The following N4BP2 variants were observed in gnomAD, a reference collection of about 807,000 sequenced individuals.
N4BP2 encodes the protein NEDD4-binding protein 2.
A neutral mutation model predicts 152.8 loss-of-function variants in N4BP2; 91 were observed. The ratio of observed to expected loss-of-function variants is 0.60; its 90% CI spans 0.50 to 0.71. The LOEUF (loss-of-function observed/expected upper bound fraction) is 0.71, where lower values mean the gene tolerates loss of function less well. Among genes scored for constraint, N4BP2 ranks in the 30% least tolerant of loss-of-function variants. N4BP2 has a pLI of 0.00. For synonymous variants in N4BP2, 646 were observed against 705.3 expected (o/e 0.92, Z 1.33); for missense variants, 1,923 against 2,059.1 (o/e 0.93, Z 1.28).
chr4:40,140,883 T>C (rs1719862917), intron 14 of N4BP2, among the ~76,000 whole-genome samples: 1 of 150,366 alleles, frequency 6.7e-6, no homozygotes, highest in South Asian at 2.2e-4. Context: ...ACAGCACATG[T>C]TGCAGAGAGC....
At chr4:40,119,563 A>G (rs1236988913) in intron 8 of N4BP2, among the ~76,000 whole-genome samples, 1 of 152,180 alleles carries the variant, frequency 6.6e-6, no homozygotes, top group East Asian at 1.9e-4. Flanking sequence ...ATGCTTAGCT[A>G]TGTAAAACTA....
Position 40,102,505 on chromosome 4 carries a change from T to A in N4BP2, c.660T>A (p.Val220=), listed in dbSNP as rs1715772451. 1 of 1,614,078 alleles carries A rather than the reference T, an allele frequency of 6.2e-7. No individual in the cohort carries two copies. Among genetic ancestry groups the A allele is most frequent in the Admixed American group, 1.7e-5 (1 of 59,998 alleles). Residue 220 remains valine (V), a synonymous_variant, in exon 4 of 18, where the codon GTT becomes GTA. Transcript: ENST00000261435. ...TAAACCCATTACCTTCACATTCAGT[T>A]TTGAACGAGTCCAAGTGTTTTATAA... The part of the protein sequence containing the change: ...LSLNPLPSHS[V]LNESKCFIKD...
downstream of N4BP2, among the ~76,000 whole-genome samples, chr4:40,161,013 A>G (rs1457679116): frequency 6.6e-6 from 1 of 152,198 alleles, no homozygotes; most frequent in African/African-American, 2.4e-5. Context: ...GAAGGACTGC[A>G]AGGAATATTG....
rs557141145 is a variant in N4BP2, at chr4:40,154,968, G to A, written c.*731G>A. 13 of 152,184 alleles carry A rather than the reference G, an allele frequency of 8.5e-5. No homozygotes were observed. Among genetic ancestry groups the A allele is most frequent in the African/African-American group, 2.9e-4 (12 of 41,442 alleles). 9.4% of individuals were successfully genotyped at this position (152,184 alleles called of 1,614,324 possible). Reference sequence around the variant, plus strand: ...ATCTTCCAGATGTTGCTGCCTTATCGAAATGCTTCTAGAACTGTCTGTATA... The same window carrying A: ...ATCTTCCAGATGTTGCTGCCTTATCAAAATGCTTCTAGAACTGTCTGTATA... On this transcript the variant is annotated 3_prime_UTR_variant, in exon 18 of 18. Transcript: ENST00000261435.
chr4:40,124,112 C>G, intron 10 of N4BP2, 48 bp from the exon 11 acceptor site: 1 of 1,452,586 alleles, frequency 6.9e-7, no homozygotes, highest in Non-Finnish European at 9.6e-7. Flanking sequence ...TCCTTGTTTA[C>G]TAATGCACTC....
intron 15 of N4BP2, among the ~76,000 whole-genome samples, chr4:40,143,537 G>A (rs1720242453): frequency 6.6e-6 from 1 of 152,142 alleles, no homozygotes; most frequent in South Asian, 2.1e-4. Context: ...CTGAGCTCAA[G>A]CAATCCTCCC....
intron 14 of N4BP2, chr4:40,142,325 G>C: frequency 3.1e-6 from 1 of 319,078 alleles, no homozygotes; most frequent in African/African-American, 2.2e-5. Flanking sequence ...GCGACGGCTG[G>C]AGTTGGGCTG....
rs937189084 is a variant in N4BP2 at position 40,112,167 on chromosome 4, G to T, written c.1582G>T (p.Ala528Ser). The T allele has an allele frequency of 6.5e-7, 1 of 1,538,898 alleles. No individual in the cohort carries two copies. Among genetic ancestry groups the T allele is most frequent in the Non-Finnish European group, 8.9e-7 (1 of 1,120,886 alleles). Residue 528 changes from alanine (A) to serine (S), a missense_variant, in exon 6 of 18, where the codon GCT (alanine) becomes TCT (serine). By Grantham distance (99) the Ala-to-Ser change is moderately conservative (BLOSUM62 1). Transcript: ENST00000261435. Reference protein sequence around the residue: ...LQAWEMKPYVALSQKHKYKVL... With the variant: ...LQAWEMKPYVSLSQKHKYKVL... The stretch of plus-strand genomic sequence containing the variant: ...GGCATGGGAAATGAAACCATATGTT[G>T]CTTTGGTTAGTACCATAAGTTGTCA...
intron 15 of N4BP2, among the ~76,000 whole-genome samples, chr4:40,143,915 G>A (rs1026098771): frequency 3.3e-5 from 5 of 152,064 alleles, no homozygotes; most frequent in Non-Finnish European, 7.4e-5. Flanking sequence ...TCATAGAGGT[G>A]GAGAAGTCCC....
intron 15 of N4BP2, among the ~76,000 whole-genome samples, chr4:40,143,551 T>C (rs904595511): frequency 3.9e-5 from 6 of 152,182 alleles, no homozygotes; most frequent in African/African-American, 9.7e-5. Flanking sequence ...TCCTCCCATC[T>C]CAGCCTCCCA....
At chr4:40,073,390 T>G (rs1237955389) in intron 1 of N4BP2, 65 bp from the exon 2 acceptor site, 1 of 152,084 alleles carries the variant, frequency 6.6e-6, no homozygotes, top group African/African-American at 2.4e-5. Flanking sequence ...ATTTTTGACT[T>G]TGATTTCTTT....
In N4BP2 at chr4:40,120,786, C is replaced by A. The variant is rs780396042; in HGVS notation, c.2675C>A (p.Ala892Asp). Reference protein sequence around the residue: ...MGDWPSSDSLAQREHRSRMPK... With the variant: ...MGDWPSSDSLDQREHRSRMPK... ...GACTGGCCTTCATCTGATTCTTTAG[C>A]TCAGAGGGAACACAGATCAAGAATG... Residue 892 changes from alanine to aspartate, a missense_variant, in exon 9 of 18, where the codon GCT becomes GAT. Transcript: ENST00000261435. The A allele has an allele frequency of 6.2e-7, 1 of 1,614,142 alleles. No individual in the cohort carries two copies. The highest frequency in any genetic ancestry group is 1.1e-5 in the South Asian group (1 of 91,072).
intron 13 of N4BP2, among the ~76,000 whole-genome samples, chr4:40,134,008 A>G (rs1334917319): frequency 6.6e-6 from 1 of 151,966 alleles, no homozygotes; most frequent in African/African-American, 2.4e-5. Flanking sequence ...GAGTTTCACC[A>G]TGTTGCCCAG....
chr4:40,065,451 AG>A (rs1219987197), intron 1 of N4BP2, among the ~76,000 whole-genome samples: 1 of 152,208 alleles, frequency 6.6e-6, no homozygotes, highest in African/African-American at 2.4e-5. Context: ...ACAAAAGATT[AG>A]GAACAGAACC....
At chr4:40,065,935 A>ATT (rs61125129) in intron 1 of N4BP2, among the ~76,000 whole-genome samples, 7 of 146,838 alleles carry the variant, frequency 4.8e-5, no homozygotes, top group Admixed American at 6.8e-5. Flanking sequence ...CCAGTAAAGC[A>ATT]TTTTTTTTTT....
chr4:40,115,210 A>G (rs1162765994), intron 7 of N4BP2, among the ~76,000 whole-genome samples: 1 of 152,122 alleles, frequency 6.6e-6, no homozygotes, highest in East Asian at 1.9e-4. Context: ...AAATTTCCCT[A>G]TGTATGCCAG....
intron 2 of N4BP2, among the ~76,000 whole-genome samples, chr4:40,094,904 C>T (rs1027807967): frequency 6.6e-6 from 1 of 151,742 alleles, no homozygotes; most frequent in Admixed American, 6.6e-5. Flanking sequence ...AGCGATTCTC[C>T]TGCCTTAGCC....
chr4:40,084,913 CTT>C (rs569261971), intron 2 of N4BP2, among the ~76,000 whole-genome samples: 15 of 120,984 alleles, frequency 1.2e-4, no homozygotes, highest in Admixed American at 1.7e-4. Context: ...CAGCGCCTGG[CTT>C]TTTTTTTTTT....
downstream of N4BP2, among the ~76,000 whole-genome samples, chr4:40,162,818 C>T (rs1721893238): frequency 6.6e-6 from 1 of 152,184 alleles, no homozygotes; most frequent in Admixed American, 6.5e-5. Flanking sequence ...ACCAGGCCAT[C>T]TGCAAGCAGG....
Sources: allele counts gnomAD v4.1 joint callset (sites outside exome capture counted in the v4.1 genomes callset), GRCh38; gene constraint gnomAD v4.1.1; transcripts MANE v1.5; gene names NCBI Gene and HGNC (gene_info 2026-07-23, HGNC 2026-07-21).